PCDH15: variants seen among roughly 807,000 people sequenced by gnomAD.
PCDH15 encodes the protein protocadherin related 15.
PCDH15 carries 129 observed loss-of-function variants against 178.5 expected under a neutral mutation model. That is an observed-to-expected ratio of 0.72 (90% confidence interval 0.63 to 0.84). The LOEUF is 0.84. Among genes scored for constraint, PCDH15 ranks in the 40% least tolerant of loss-of-function variants. PCDH15 has a pLI of 0.00. For synonymous variants in PCDH15, 800 were observed against 732.0 expected (o/e 1.09, Z -1.50); for missense variants, 2,230 against 2,099.9 (o/e 1.06, Z -1.21).
At chr10:54,475,526 C>G (rs1397558159) in intron 3 of PCDH15, among the ~76,000 whole-genome samples, 21 of 151,974 alleles carry the variant, frequency 1.4e-4, no homozygotes, top group Non-Finnish European at 7.4e-5. Context: ...TCTTAATTCA[C>G]TTGCATTTAA....
chr10:55,137,032 T>A (rs1379862738), intron 2 of PCDH15, among the ~76,000 whole-genome samples: 1 of 152,194 alleles, frequency 6.6e-6, no homozygotes, highest in Non-Finnish European at 1.5e-5. Context: ...TAATGATGGT[T>A]ACATTTAATT....
chr10:54,042,397 T>C (rs1179986211), intron 18 of PCDH15, among the ~76,000 whole-genome samples: 1 of 151,980 alleles, frequency 6.6e-6, no homozygotes, highest in Non-Finnish European at 1.5e-5. Context: ...AAATTTAATG[T>C]TGGTAAAGGG....
chr10:54,096,683 A>G (rs1330272223), intron 15 of PCDH15, among the ~76,000 whole-genome samples: 1 of 152,102 alleles, frequency 6.6e-6, no homozygotes. Context: ...TTCATTCCCC[A>G]TAAGGGCACT....
At chr10:54,657,030 C>T (rs1471447493) in intron 2 of PCDH15, among the ~76,000 whole-genome samples, 1 of 152,170 alleles carries the variant, frequency 6.6e-6, no homozygotes, top group Admixed American at 6.5e-5. Context: ...CATCTCTCCC[C>T]TTCTATACAA....
At chr10:55,407,125 T>C (rs2132031182) in intron 2 of PCDH15, among the ~76,000 whole-genome samples, 1 of 151,506 alleles carries the variant, frequency 6.6e-6, no homozygotes, top group Admixed American at 6.6e-5. Context: ...GAAAGAGTGT[T>C]GAGGAACTGA....
chr10:55,215,378 C>T (rs1436817117), intron 1 of PCDH15, among the ~76,000 whole-genome samples: 2 of 152,068 alleles, frequency 1.3e-5, no homozygotes, highest in Non-Finnish European at 2.9e-5. Flanking sequence ...TGCATTTGTA[C>T]AGTGGGCAGT....
chr10:55,222,730 C>CATAT (rs142618720), intron 1 of PCDH15, among the ~76,000 whole-genome samples: 35 of 121,100 alleles, frequency 2.9e-4, no homozygotes, highest in South Asian at 7.9e-4. Context: ...CACACACACA[C>CATAT]ATATATATAT....
chr10:54,144,683 T>C (rs1420885351), intron 14 of PCDH15, among the ~76,000 whole-genome samples: 9 of 152,172 alleles, frequency 5.9e-5, no homozygotes, highest in African/African-American at 1.7e-4. Context: ...ATTGGCTTTC[T>C]GCATGGTTAG....
At chr10:54,349,334 T>C (rs1943818583) in intron 5 of PCDH15, among the ~76,000 whole-genome samples, 1 of 152,186 alleles carries the variant, frequency 6.6e-6, no homozygotes, top group African/African-American at 2.4e-5. Flanking sequence ...CGTTTGCCAC[T>C]CTTAATCAAG....
At chr10:54,946,752 G>T (rs16906724) in intron 2 of PCDH15, among the ~76,000 whole-genome samples, 1 of 151,786 alleles carries the variant, frequency 6.6e-6, no homozygotes, top group Non-Finnish European at 1.5e-5. Flanking sequence ...CTTATTACTT[G>T]ATGGAGCAAT....
chr10:53,976,166 G>T (rs1374556686), intron 21 of PCDH15, among the ~76,000 whole-genome samples: 1 of 152,078 alleles, frequency 6.6e-6, no homozygotes, highest in African/African-American at 2.4e-5. Context: ...TTTGATTACT[G>T]CAGTCTTGTA....
At chr10:55,443,808 C>A (rs1435529796) in intron 2 of PCDH15, among the ~76,000 whole-genome samples, 2 of 152,118 alleles carry the variant, frequency 1.3e-5, no homozygotes. Context: ...GATTATAAAT[C>A]ATTCTACTAT....
At chr10:55,471,369 A>G (rs1468113860) in intron 2 of PCDH15, among the ~76,000 whole-genome samples, 3 of 152,204 alleles carry the variant, frequency 2.0e-5, no homozygotes, top group Non-Finnish European at 4.4e-5. Flanking sequence ...AATAATGTAG[A>G]ATGTGACAAA....
At chr10:54,369,366 C>A in intron 4 of PCDH15, 91 bp from the exon 5 acceptor site, 1 of 1,145,548 alleles carries the variant, frequency 8.7e-7, no homozygotes, top group South Asian at 1.3e-5. Flanking sequence ...GTACATTTTT[C>A]TATTCTTGTT....
At chr10:53,937,920 T>A (rs2085718657) in intron 25 of PCDH15, among the ~76,000 whole-genome samples, 1 of 152,132 alleles carries the variant, frequency 6.6e-6, no homozygotes, top group South Asian at 2.1e-4. Flanking sequence ...ATGTTTCAGA[T>A]CCTGTTTCTC....
intron 1 of PCDH15, among the ~76,000 whole-genome samples, chr10:54,740,257 C>T (rs1944610805): frequency 6.6e-6 from 1 of 151,606 alleles, no homozygotes; most frequent in South Asian, 2.1e-4. Flanking sequence ...GAAGATACAC[C>T]AGTAGGTATG....
chr10:55,425,372 T>C (rs1213481297), intron 2 of PCDH15, among the ~76,000 whole-genome samples: 2 of 151,980 alleles, frequency 1.3e-5, no homozygotes, highest in East Asian at 3.8e-4. Flanking sequence ...AGCTCAAAAA[T>C]TTTATGTAGC....
At chr10:54,808,978 C>CGCTA (rs1952822574) in intron 3 of PCDH15, among the ~76,000 whole-genome samples, 1 of 150,858 alleles carries the variant, frequency 6.6e-6, no homozygotes, top group Non-Finnish European at 1.5e-5. Context: ...TGTATTAAGA[C>CGCTA]GCTACCCTAA....
intron 1 of PCDH15, among the ~76,000 whole-genome samples, chr10:55,235,744 T>C (rs1237234755): frequency 2.6e-5 from 4 of 151,782 alleles, no homozygotes; most frequent in African/African-American, 9.7e-5. Flanking sequence ...CTGTCTCTAC[T>C]ACAATTACAA....
Sources: allele counts gnomAD v4.1 joint callset (sites outside exome capture counted in the v4.1 genomes callset), GRCh38; gene constraint gnomAD v4.1.1; transcripts MANE v1.5; gene names NCBI Gene and HGNC (gene_info 2026-07-23, HGNC 2026-07-21).